KCNIP4: variants seen among roughly 807,000 people sequenced by gnomAD.
KCNIP4 encodes the protein Kv channel-interacting protein 4.
KCNIP4 carries 12 observed loss-of-function variants against 34.0 expected under a neutral mutation model. The observed-to-expected ratio is 0.35, with a 90% confidence interval of 0.23 to 0.57. The LOEUF (loss-of-function observed/expected upper bound fraction) is 0.57. Ranked by LOEUF, KCNIP4 falls within the 20% of genes least tolerant of loss-of-function variation. The pLI is 0.83. For synonymous variants in KCNIP4, 124 were observed against 102.2 expected (o/e 1.21, Z -1.29); for missense variants, 238 against 311.7 (o/e 0.76, Z 1.78).
chr4:20,859,091 C>A (rs1721920692), intron 2 of KCNIP4, among the ~76,000 whole-genome samples: 1 of 152,158 alleles, frequency 6.6e-6, no homozygotes, highest in Admixed American at 6.5e-5. Flanking sequence ...CAATTTCTTT[C>A]CAGGGAAAAT....
At chr4:21,729,332 T>C (rs1259474192) in intron 1 of KCNIP4, among the ~76,000 whole-genome samples, 3 of 152,086 alleles carry the variant, frequency 2.0e-5, no homozygotes, top group African/African-American at 7.2e-5. Context: ...TTAACATAAA[T>C]TAAAAAGGAA....
At chr4:21,308,122 T>C (rs1712693278) in intron 1 of KCNIP4, among the ~76,000 whole-genome samples, 1 of 152,218 alleles carries the variant, frequency 6.6e-6, no homozygotes, top group Non-Finnish European at 1.5e-5. Flanking sequence ...TATATTTTCT[T>C]CCTGTAGGGC....
chr4:21,350,584 T>A (rs1717909332), intron 1 of KCNIP4, among the ~76,000 whole-genome samples: 1 of 152,212 alleles, frequency 6.6e-6, no homozygotes, highest in Admixed American at 6.5e-5. Flanking sequence ...ATGCCCAGTA[T>A]AAATGGAAGA....
chr4:21,599,364 T>C (rs1742912054), intron 1 of KCNIP4, among the ~76,000 whole-genome samples: 1 of 152,054 alleles, frequency 6.6e-6, no homozygotes, highest in Non-Finnish European at 1.5e-5. Flanking sequence ...TGATTTACTA[T>C]TTTTATAGTA....
At chr4:21,172,179 C>T (rs1229113773) in intron 1 of KCNIP4, among the ~76,000 whole-genome samples, 1 of 152,050 alleles carries the variant, frequency 6.6e-6, no homozygotes, top group African/African-American at 2.4e-5. Context: ...AGGTATGCGC[C>T]ACCATGCCTG....
At chr4:21,033,339 C>T (rs1435888827) in intron 1 of KCNIP4, among the ~76,000 whole-genome samples, 1 of 152,054 alleles carries the variant, frequency 6.6e-6, no homozygotes, top group South Asian at 2.1e-4. Context: ...ATAGGTTTTC[C>T]ATTTACAAGG....
chr4:21,839,563 G>A (rs1037713997), intron 1 of KCNIP4, among the ~76,000 whole-genome samples: 1 of 152,096 alleles, frequency 6.6e-6, no homozygotes, highest in Non-Finnish European at 1.5e-5. Context: ...AGACCAGCCT[G>A]ACTAACATGG....
intron 1 of KCNIP4, among the ~76,000 whole-genome samples, chr4:21,837,562 AAG>A (rs1461250016): frequency 1.3e-5 from 2 of 149,560 alleles, no homozygotes; most frequent in East Asian, 4.0e-4. Flanking sequence ...AAGAAAAAGA[AAG>A]AAAGAAAAGA....
At chr4:21,344,452 C>A (rs963531115) in intron 1 of KCNIP4, among the ~76,000 whole-genome samples, 10 of 152,014 alleles carry the variant, frequency 6.6e-5, no homozygotes, top group African/African-American at 2.2e-4. Flanking sequence ...TCTTGGAAAC[C>A]AAATTGCAAA....
At chr4:21,689,168 AT>A (rs1285952032) in intron 1 of KCNIP4, among the ~76,000 whole-genome samples, 1 of 152,150 alleles carries the variant, frequency 6.6e-6, no homozygotes, top group East Asian at 1.9e-4. Flanking sequence ...TATTGTAGTT[AT>A]TGAAAACTAA....
At chr4:21,625,977 T>C (rs1745296549) in intron 1 of KCNIP4, among the ~76,000 whole-genome samples, 1 of 152,180 alleles carries the variant, frequency 6.6e-6, no homozygotes, top group Admixed American at 6.5e-5. Flanking sequence ...TTGCCAGATC[T>C]AGTAAACAAA....
At chr4:20,885,762 G>A (rs921235794) in intron 1 of KCNIP4, among the ~76,000 whole-genome samples, 1 of 152,164 alleles carries the variant, frequency 6.6e-6, no homozygotes, top group Non-Finnish European at 1.5e-5. Context: ...CACAGTGACA[G>A]CCACATAATG....
rs527385773 is a variant in KCNIP4, at chr4:21,499,330, C to CAAAAAAAAAAAAAAA, written c.61+449226_61+449240dup. Among the ~76,000 whole-genome samples, 139 of 98,200 alleles carry CAAAAAAAAAAAAAAA rather than the reference C, an allele frequency of 1.4e-3. 4 individuals carry two copies. The highest frequency in any genetic ancestry group is 5.3e-3 in the African/African-American group (132 of 24,936). 64.4% of individuals were successfully genotyped at this position (98,200 alleles called of 152,430 possible). ...TGGGTGACAGAGTAAGACTCCATCT[C>CAAAAAAAAAAAAAAA]AAAAAAAAAAAAAAAACAACTACAT... On this transcript the variant is annotated intron_variant, in intron 1 of 8. Transcript: ENST00000382152.
chr4:20,907,447 G>A (rs1727882326), intron 1 of KCNIP4, among the ~76,000 whole-genome samples: 1 of 152,022 alleles, frequency 6.6e-6, no homozygotes, highest in Non-Finnish European at 1.5e-5. Context: ...CCTATCTCAT[G>A]GGATTATTAT....
intron 1 of KCNIP4, among the ~76,000 whole-genome samples, chr4:21,143,673 C>T (rs888299062): frequency 1.3e-5 from 2 of 151,826 alleles, no homozygotes; most frequent in Non-Finnish European, 2.9e-5. Flanking sequence ...TTTCAATGGA[C>T]CACTAGGCTT....
At chr4:20,817,375 C>G (rs1025356959) in intron 3 of KCNIP4, among the ~76,000 whole-genome samples, 1 of 152,188 alleles carries the variant, frequency 6.6e-6, no homozygotes, top group Non-Finnish European at 1.5e-5. Context: ...GTTGGCCCTT[C>G]TTCATCAGGA....
In KCNIP4 at chr4:21,260,148, G is replaced by A. The variant is rs553083594; in HGVS notation, c.62-377439C>T. ...GACCTTATCATCAATAGAAATGAGC[G>A]TTTATGGTCTTTCTATTTAGGAAAG... On this transcript the variant is annotated intron_variant, in intron 1 of 8. Coordinates refer to ENST00000382152, the MANE Select transcript of KCNIP4 (RefSeq NM_025221.6). 6.6e-5 allele frequency among the ~76,000 whole-genome samples: 10 copies of A among 151,876 alleles called. No homozygotes were observed. In the South Asian group the frequency reaches 1.7e-3, roughly 26 times the overall value.
chr4:21,791,082 T>C (rs1273286147), intron 1 of KCNIP4, among the ~76,000 whole-genome samples: 1 of 151,324 alleles, frequency 6.6e-6, no homozygotes, highest in Middle Eastern at 3.4e-3. Flanking sequence ...TACTCTAGGC[T>C]GGGCAGTTTA....
chr4:21,593,391 G>T (rs376541651), intron 1 of KCNIP4, among the ~76,000 whole-genome samples: 7 of 152,092 alleles, frequency 4.6e-5, no homozygotes, highest in African/African-American at 1.4e-4. Context: ...GTGGTTTTGT[G>T]GTCGGAGTGC....
Sources: gnomAD v4.1 joint callset for allele counts (sites outside exome capture counted in the v4.1 genomes callset) on GRCh38, gnomAD v4.1.1 for gene constraint, MANE v1.5 for transcripts, NCBI Gene and HGNC (gene_info 2026-07-23, HGNC 2026-07-21) for gene names.